NOD2: variants seen among roughly 807,000 people sequenced by gnomAD.
NOD2 encodes nucleotide-binding oligomerization domain-containing protein 2.
In NOD2, 86 loss-of-function variants were observed where a neutral mutation model predicts 90.9. The ratio of observed to expected loss-of-function variants is 0.95; its 90% CI spans 0.79 to 1.13. The LOEUF is 1.13. Among genes scored for constraint, NOD2 ranks in the 50% most tolerant of loss-of-function variants. NOD2 has a pLI of 0.00. For missense variants in NOD2, 1,238 were observed against 1,283.8 expected (o/e 0.96, Z 0.55); for synonymous variants, 581 against 554.6 (o/e 1.05, Z -0.67).
At chr16:50,703,841 A>G (rs1044834520) in intron 2 of NOD2, among the ~76,000 whole-genome samples, 14 of 152,174 alleles carry the variant, frequency 9.2e-5, no homozygotes, top group Non-Finnish European at 1.5e-4. Context: ...CGGCAATGCC[A>G]TGAATGAGTC....
chr16:50,703,483 C>A (rs1372132205), intron 2 of NOD2, among the ~76,000 whole-genome samples: 1 of 151,824 alleles, frequency 6.6e-6, no homozygotes, highest in East Asian at 1.9e-4. Context: ...ACTAAAAATA[C>A]AAAAAATTAG....
In NOD2 at chr16:50,732,646, C is replaced by G. The variant is rs1215930280; in HGVS notation, c.*827C>G. On this transcript the variant is annotated 3_prime_UTR_variant, in exon 12 of 12. Transcript: ENST00000647318. ...GAAACAGCTCGACTTTAAAAAGCTCCAAATGCAGCTTTAAAAAATTAATCT... is the reference window on the plus strand; with the variant it reads ...GAAACAGCTCGACTTTAAAAAGCTCGAAATGCAGCTTTAAAAAATTAATCT... 6.6e-6 allele frequency: 1 copy of G among 152,326 alleles called. No individual in the cohort carries two copies. The highest frequency in any genetic ancestry group is 1.9e-4 in the East Asian group (1 of 5,340). 9.4% of individuals were successfully genotyped at this position (152,326 alleles called of 1,614,324 possible).
chr16:50,716,444 T>G (rs1447844171), intron 4 of NOD2, 143 bp from the exon 5 acceptor site: 1 of 780,226 alleles, frequency 1.3e-6, no homozygotes, highest in Non-Finnish European at 2.1e-6. Flanking sequence ...TCCACTTTTT[T>G]GGGGTGCTCC....
chr16:50,719,109 G>A (rs1470490714), intron 6 of NOD2, among the ~76,000 whole-genome samples: 2 of 152,192 alleles, frequency 1.3e-5, no homozygotes, highest in Non-Finnish European at 2.9e-5. Context: ...GCTGGCAAGT[G>A]CAGATGCGAG....
At chr16:50,727,776 G>T in intron 10 of NOD2, 2 of 341,170 alleles carry the variant, frequency 5.9e-6, no homozygotes. Flanking sequence ...TGCAGGTGTT[G>T]CAGTTTTCAG....
At chr16:50,713,687 A>G (rs1402471652) in intron 4 of NOD2, 1 of 149,998 alleles carries the variant, frequency 6.7e-6, no homozygotes. Flanking sequence ...TGGGGTTAGT[A>G]ACAGCTGGGG....
At chr16:50,727,767 G>A in intron 10 of NOD2, 4 of 339,800 alleles carry the variant, frequency 1.2e-5, no homozygotes, top group South Asian at 9.7e-5. Flanking sequence ...AATGCCGGCT[G>A]CAGGTGTTGC....
At position 50,707,939 on chromosome 16, in the gene NOD2, C is replaced by T. The variant is rs143080077; in HGVS notation, c.544C>T (p.Pro182Ser). 22 of 1,612,938 alleles carry T rather than the reference C, an allele frequency of 1.4e-5. No homozygotes were observed. The African/African-American group carries it at 2.8e-4, about 21-fold the overall frequency. Residue 182 changes from proline (P) to serine (S), a missense_variant, in exon 3 of 12, where the codon CCA becomes TCA. Pro to Ser is a moderately conservative substitution (Grantham distance 74, BLOSUM62 -1). Around this residue, in one of 3 missense-constraint regions of NOD2, gnomAD observed 567 missense variants for 577.3 expected, o/e 0.98. Transcript: ENST00000647318. ...ACAACATGTTCAGGAATTACCAGTC[C>T]CATTGGCCCTGCCTTTGGAAGGTAG... ...LLQHVQELPV[P>S]LALPLEAATC...
At chr16:50,731,676 G>A (rs1965459010) in intron 11 of NOD2, 71 bp from the exon 12 acceptor site, 4 of 1,050,358 alleles carry the variant, frequency 3.8e-6, no homozygotes. Context: ...TTAAAAAGTG[G>A]AGGCTTTTGT....
chr16:50,693,696 G>C (rs1453645417), intron 1 of NOD2, 34 bp downstream of exon 1: 1 of 152,378 alleles, frequency 6.6e-6, no homozygotes, highest in Non-Finnish European at 1.5e-5. Context: ...GGGGTGGGCT[G>C]GGGGGAGACT....
At chr16:50,694,236 G>A (rs1963540806) in intron 1 of NOD2, among the ~76,000 whole-genome samples, 1 of 152,126 alleles carries the variant, frequency 6.6e-6, no homozygotes, top group African/African-American at 2.4e-5. Context: ...GAGGGCTGGG[G>A]GCTGGACCCC....
In NOD2 at chr16:50,711,948, A is replaced by G. The variant is rs756746121; in HGVS notation, c.1956A>G (p.Ala652=). Residue 652 remains alanine, a synonymous_variant, in exon 4 of 12, where the codon GCA becomes GCG. Coordinates refer to ENST00000647318, the MANE Select transcript of NOD2 (RefSeq NM_001370466.1). The part of the protein sequence containing the change: ...HNLQITAAFL[A]GLLSREHWGL... ...TTCAGATCACAGCAGCCTTCCTGGC[A>G]GGGCTGTTGTCCCGGGAGCACTGGG... The G allele has an allele frequency of 8.7e-6, 14 of 1,612,530 alleles. No homozygotes were observed. In the Admixed American group the frequency reaches 1.8e-4, roughly 21 times the overall value.
At chr16:50,722,514 C>G in intron 7 of NOD2, 108 bp from the exon 8 acceptor site, 1 of 1,082,208 alleles carries the variant, frequency 9.2e-7, no homozygotes, top group South Asian at 1.2e-5. Context: ...ATTGAGTGGT[C>G]CTGCCCCTCT....
intron 1 of NOD2, chr16:50,696,992 A>G (rs1195511149): frequency 3.5e-6 from 2 of 570,652 alleles, no homozygotes; most frequent in East Asian, 6.0e-5. Context: ...TCATGTCCCC[A>G]GTGGGGTTTT....
At chr16:50,706,747 A>G (rs949315067) in intron 2 of NOD2, among the ~76,000 whole-genome samples, 26 of 146,926 alleles carry the variant, frequency 1.8e-4, no homozygotes, top group Non-Finnish European at 3.6e-4. Context: ...CCCAGGCTGG[A>G]GTGCAGTGGT....
Position 50,710,562 on chromosome 16 carries a change from C to T in NOD2, c.570C>T (p.Ala190=). The T allele has an allele frequency of 1.2e-6, 2 of 1,614,190 alleles. No individual in the cohort carries two copies. The highest frequency in any genetic ancestry group is 2.2e-5 in the East Asian group (1 of 44,880). The change falls in exon 4 of 12, where the codon GCC becomes GCT. Residue 190 remains alanine, a synonymous_variant. Coordinates refer to ENST00000647318, the MANE Select transcript of NOD2 (RefSeq NM_001370466.1). ...PVPLALPLEA[A]TCKKYMAKLR... is the part of the protein sequence containing the mutation. ...GCCTCTTCTTCTGCCTTCCAGCTGC[C>T]ACATGCAAGAAGTATATGGCCAAGC...
Position 50,731,752 on chromosome 16 carries a change from G to A in NOD2, c.2975G>A (p.Arg992Gln), listed in dbSNP as rs5743295. 32 of 1,612,514 alleles carry A rather than the reference G, an allele frequency of 2.0e-5. No homozygotes were observed. In the South Asian group the frequency reaches 2.1e-4, roughly 11 times the overall value. The change falls in exon 12 of 12, where the codon CGA (arginine) becomes CAA (glutamine). Residue 992 changes from arginine (R) to glutamine (Q), a missense_variant. By Grantham distance (43) the Arg-to-Gln change is conservative. Coordinates refer to ENST00000647318, the MANE Select transcript of NOD2 (RefSeq NM_001370466.1). ...GTTCACTTGATCTGCTTTAGGCTCC[G>A]AGGGAACACTTTCTCTCTAGAGGAG... is the stretch of plus-strand genomic sequence containing the variant. ...RNDTILEVWL[R>Q]GNTFSLEEVD...
intron 11 of NOD2, among the ~76,000 whole-genome samples, chr16:50,730,356 AAGCAAG>A (rs1965412389): frequency 6.6e-6 from 1 of 152,196 alleles, no homozygotes; most frequent in Non-Finnish European, 1.5e-5. Context: ...GTATTGAAAA[AAGCAAG>A]AATTGCATTC....
rs1458364169 is a variant in NOD2 at position 50,732,478 on chromosome 16, A to T, written c.*659A>T. The T allele has an allele frequency of 6.5e-6, 1 of 154,772 alleles. No homozygotes were observed. The highest frequency in any genetic ancestry group is 2.4e-5 in the African/African-American group (1 of 41,454). The allele number at this position is 154,772 out of a possible 1,614,324, so 9.6% of individuals were successfully genotyped here. On this transcript the variant is annotated 3_prime_UTR_variant, in exon 12 of 12. Coordinates refer to ENST00000647318, the MANE Select transcript of NOD2 (RefSeq NM_001370466.1). ...CCTGCCCTCCTTTCCGGTGTTTAAG[A>T]CATTTTTGGAAGGGGACACGTGACA...
Sources: gnomAD v4.1 joint callset for allele counts (sites outside exome capture counted in the v4.1 genomes callset) on GRCh38, gnomAD v4.1.1 for gene constraint, gnomAD v4.1.1 regional missense constraint, MANE v1.5 for transcripts, NCBI Gene and HGNC (gene_info 2026-07-23, HGNC 2026-07-21) for gene names.